The following KATNIP variants were observed in gnomAD, a reference collection of about 807,000 sequenced individuals.
KATNIP encodes the protein katanin-interacting protein.
Under a neutral mutation model 174.0 loss-of-function variants are expected in KATNIP, and 126 were observed. The observed-to-expected ratio is 0.72, with a 90% CI of 0.63 to 0.84. The LOEUF (loss-of-function observed/expected upper bound fraction) is 0.84, where lower values mean the gene tolerates loss of function less well. Among genes scored for constraint, KATNIP ranks in the 40% least tolerant of loss-of-function variants. The pLI, the probability that KATNIP is intolerant of heterozygous loss-of-function variation, is 0.00. For synonymous variants in KATNIP, 810 were observed against 835.7 expected (o/e 0.97, Z 0.53); for missense variants, 1,958 against 2,109.7 (o/e 0.93, Z 1.41).
At chr16:27,640,992 G>A (rs1336812198) in intron 5 of KATNIP, among the ~76,000 whole-genome samples, 1 of 152,122 alleles carries the variant, frequency 6.6e-6, no homozygotes, top group Non-Finnish European at 1.5e-5. Context: ...AAAAACATTA[G>A]CCGGACATGG....
intron 2 of KATNIP, among the ~76,000 whole-genome samples, chr16:27,603,021 T>C (rs565092639): frequency 6.6e-6 from 1 of 152,242 alleles, no homozygotes; most frequent in South Asian, 2.1e-4. Context: ...TTTTCAAGGA[T>C]AGTTTGGTGA....
chr16:27,572,461 G>A (rs983824603), intron 1 of KATNIP, among the ~76,000 whole-genome samples: 2 of 151,516 alleles, frequency 1.3e-5, no homozygotes, highest in Non-Finnish European at 2.9e-5. Context: ...GGGAATCCTG[G>A]CCTCTGTTAG....
At chr16:27,648,224 T>G (rs1327526466) in intron 5 of KATNIP, among the ~76,000 whole-genome samples, 2 of 149,114 alleles carry the variant, frequency 1.3e-5, no homozygotes, top group Non-Finnish European at 3.0e-5. Context: ...ACCTAGGAGG[T>G]AGAGGTTGCA....
chr16:27,594,982 C>T (rs1315829455), intron 2 of KATNIP, among the ~76,000 whole-genome samples: 1 of 152,198 alleles, frequency 6.6e-6, no homozygotes, highest in Non-Finnish European at 1.5e-5. Context: ...GAAGTCTTTA[C>T]TCAGCTAACA....
intron 2 of KATNIP, among the ~76,000 whole-genome samples, chr16:27,580,860 T>A (rs2090673452): frequency 6.6e-6 from 1 of 152,112 alleles, no homozygotes; most frequent in Non-Finnish European, 1.5e-5. Flanking sequence ...ATATATTTCA[T>A]TTTTTTATAT....
At chr16:27,606,595 G>A (rs1430244934) in intron 2 of KATNIP, among the ~76,000 whole-genome samples, 1 of 151,860 alleles carries the variant, frequency 6.6e-6, no homozygotes, top group Non-Finnish European at 1.5e-5. Flanking sequence ...TAAAACGTTA[G>A]TGCTGGCTTC....
At chr16:27,681,346 T>G (rs901971016) in intron 7 of KATNIP, 53 bp from the exon 8 acceptor site, 26 of 1,606,780 alleles carry the variant, frequency 1.6e-5, no homozygotes, top group Non-Finnish European at 2.2e-5. Flanking sequence ...CTGAACAGAA[T>G]GCCCAACTTG....
At chr16:27,756,496 A>G (rs1347512550) in intron 18 of KATNIP, among the ~76,000 whole-genome samples, 5 of 152,200 alleles carry the variant, frequency 3.3e-5, no homozygotes, top group Non-Finnish European at 7.3e-5. Context: ...GCCAGTACGG[A>G]AGCTGGGAGT....
intron 8 of KATNIP, among the ~76,000 whole-genome samples, chr16:27,691,081 C>A (rs1465296368): frequency 1.3e-5 from 2 of 152,134 alleles, no homozygotes; most frequent in Non-Finnish European, 2.9e-5. Context: ...CCTTAAATTT[C>A]ATATTCGCCA....
chr16:27,696,965 G>A (rs1161820844), intron 8 of KATNIP, among the ~76,000 whole-genome samples: 2 of 152,002 alleles, frequency 1.3e-5, no homozygotes, highest in African/African-American at 4.8e-5. Context: ...CTGACTTCAG[G>A]TGATCCACCC....
intron 2 of KATNIP, among the ~76,000 whole-genome samples, chr16:27,588,983 C>T (rs2075086725): frequency 6.8e-6 from 1 of 148,088 alleles, no homozygotes; most frequent in Non-Finnish European, 1.5e-5. Context: ...GCCTTCCAGA[C>T]TCAAGGGATT....
chr16:27,613,001 A>C (rs1024563492), intron 2 of KATNIP, among the ~76,000 whole-genome samples: 3 of 151,976 alleles, frequency 2.0e-5, no homozygotes, highest in African/African-American at 7.2e-5. Flanking sequence ...GCGCACGCCT[A>C]TAATCTAAGA....
At chr16:27,710,968 C>G (rs1425768999) in intron 13 of KATNIP, among the ~76,000 whole-genome samples, 1 of 152,200 alleles carries the variant, frequency 6.6e-6, no homozygotes, top group Non-Finnish European at 1.5e-5. Flanking sequence ...CCTGCCTTCT[C>G]TGAGAGTGGG....
intron 1 of KATNIP, among the ~76,000 whole-genome samples, chr16:27,557,304 A>T (rs1265651989): frequency 1.3e-5 from 2 of 151,874 alleles, no homozygotes; most frequent in Non-Finnish European, 2.9e-5. Context: ...ACCACGCCCA[A>T]CTAATTTTTG....
At chr16:27,552,052 A>G (rs921058600) in intron 1 of KATNIP, among the ~76,000 whole-genome samples, 3 of 152,230 alleles carry the variant, frequency 2.0e-5, no homozygotes, top group Admixed American at 1.3e-4. Flanking sequence ...AACTCCAACA[A>G]CAATAAACCC....
intron 6 of KATNIP, among the ~76,000 whole-genome samples, chr16:27,673,460 G>A (rs995099489): frequency 5.3e-5 from 8 of 152,310 alleles, no homozygotes; most frequent in African/African-American, 7.2e-5. Flanking sequence ...TGAAGGTTGC[G>A]TGAACCAGCT....
At position 27,779,864 on chromosome 16, in the gene KATNIP, G is replaced by A. The variant is rs368035172; in HGVS notation, c.*1235G>A. ...CCCGGCCCGCCGCAGTACTGTACTC[G>A]AGGTACGTTCCTATGCAACCGAGAG... On this transcript the variant is annotated 3_prime_UTR_variant, in exon 28 of 28. Transcript: ENST00000261588. 3 of 152,344 alleles carry A rather than the reference G, an allele frequency of 2.0e-5. 1 individual carries two copies. Among genetic ancestry groups the A allele is most frequent in the South Asian group, 4.1e-4 (2 of 4,830 alleles). The allele number at this position is 152,344 out of a possible 1,614,324, so 9.4% of individuals were successfully genotyped here. A position where few individuals can be genotyped will look rare whatever the true frequency, so the allele number is the denominator to read the frequency against.
At chr16:27,635,068 G>A (rs951663254) in intron 5 of KATNIP, among the ~76,000 whole-genome samples, 20 of 152,102 alleles carry the variant, frequency 1.3e-4, no homozygotes, top group Non-Finnish European at 2.8e-4. Flanking sequence ...TCTGTGGGGG[G>A]CCTTCAAACT....
At chr16:27,608,581 G>A (rs779190118) in intron 2 of KATNIP, among the ~76,000 whole-genome samples, 10 of 145,694 alleles carry the variant, frequency 6.9e-5, no homozygotes, top group Admixed American at 1.4e-4. Flanking sequence ...CTGGTGGCAC[G>A]GTCATAGCTC....
Sources: allele counts gnomAD v4.1 joint callset (sites outside exome capture counted in the v4.1 genomes callset), GRCh38; gene constraint gnomAD v4.1.1; transcripts MANE v1.5; gene names NCBI Gene and HGNC (gene_info 2026-07-23, HGNC 2026-07-21).